UST: variants seen among roughly 807,000 people sequenced by gnomAD.
UST encodes chondroitin sulfate 2-O-sulfotransferase.
A neutral mutation model predicts 45.6 loss-of-function variants in UST; 21 were observed. The observed-to-expected ratio is 0.46, with a 90% CI of 0.33 to 0.66. UST has a LOEUF of 0.66. Among genes scored for constraint, UST ranks in the 30% least tolerant of loss-of-function variants. The pLI, the probability that UST is intolerant of heterozygous loss-of-function variation, is 0.02. For missense variants in UST, 463 were observed against 512.4 expected, an observed-to-expected ratio of 0.90 and a Z score of 0.93; for synonymous variants, 215 against 200.6, an observed-to-expected ratio of 1.07 and a Z score of -0.61.
chr6:148,914,381 A>C (rs1323426856), intron 2 of UST, among the ~76,000 whole-genome samples: 1 of 75,036 alleles, frequency 1.3e-5, no homozygotes, highest in South Asian at 4.6e-4. Flanking sequence ...GTGGAAGATA[A>C]TTTTTCCATA....
rs1412593513 is a variant in UST, at chr6:148,747,667, G to A, written c.237G>A (p.Arg79=). Residue 79 remains arginine (R), a synonymous_variant, in exon 1 of 8, where the codon CGG becomes CGA. Coordinates refer to ENST00000367463, the MANE Select transcript of UST (RefSeq NM_005715.3). ...GGPPRFLLDL[R]QYLGNSTYLD... ...CCCCTCGCTTCCTGCTCGACCTGCGGCAGTACTTGGGTAAGGAAGCTGGGC... is the reference window on the plus strand; with the variant it reads ...CCCCTCGCTTCCTGCTCGACCTGCGACAGTACTTGGGTAAGGAAGCTGGGC... 2 of 1,600,976 alleles carry A rather than the reference G, an allele frequency of 1.2e-6. No individual in the cohort carries two copies. Among genetic ancestry groups the A allele is most frequent in the African/African-American group, 2.7e-5 (2 of 73,784 alleles).
At chr6:149,065,072 G>A (rs1302882829) in intron 7 of UST, among the ~76,000 whole-genome samples, 1 of 152,180 alleles carries the variant, frequency 6.6e-6, no homozygotes, top group East Asian at 1.9e-4. Context: ...GTTCCTGCTA[G>A]GATCAGAGAA....
intron 2 of UST, among the ~76,000 whole-genome samples, chr6:148,901,829 G>A (rs1363199590): frequency 2.0e-5 from 3 of 152,172 alleles, no homozygotes; most frequent in African/African-American, 7.2e-5. Flanking sequence ...AAAGTGTTGG[G>A]ATTACAGGCG....
At chr6:148,919,644 A>G (rs1397244296) in intron 2 of UST, among the ~76,000 whole-genome samples, 4 of 152,226 alleles carry the variant, frequency 2.6e-5, no homozygotes, top group African/African-American at 9.6e-5. Flanking sequence ...TTTTCAAAAT[A>G]GTTTGTCTTC....
chr6:148,951,784 C>G (rs1015843311), intron 3 of UST, among the ~76,000 whole-genome samples: 4 of 152,134 alleles, frequency 2.6e-5, no homozygotes, highest in African/African-American at 9.7e-5. Context: ...ACAATAAACA[C>G]GAGCATTAGT....
intron 7 of UST, among the ~76,000 whole-genome samples, chr6:149,057,225 TGTG>T (rs1301784593): frequency 6.6e-6 from 1 of 152,188 alleles, no homozygotes; most frequent in Non-Finnish European, 1.5e-5. Flanking sequence ...GTAGTCATCA[TGTG>T]GTGTAATTTG....
intron 1 of UST, among the ~76,000 whole-genome samples, chr6:148,832,206 G>A (rs1400702934): frequency 3.3e-5 from 5 of 152,132 alleles, no homozygotes; most frequent in Non-Finnish European, 7.4e-5. Context: ...GGCCAGGCTG[G>A]TCTTGAATTC....
At chr6:149,037,996 A>C (rs1776261036) in intron 7 of UST, among the ~76,000 whole-genome samples, 1 of 152,184 alleles carries the variant, frequency 6.6e-6, no homozygotes, top group African/African-American at 2.4e-5. Flanking sequence ...TTGGCTTCAA[A>C]GCTCAAACAT....
intron 5 of UST, among the ~76,000 whole-genome samples, chr6:149,003,354 A>G (rs1781587788): frequency 6.6e-6 from 1 of 152,132 alleles, no homozygotes; most frequent in Non-Finnish European, 1.5e-5. Context: ...TTCAGTCCTT[A>G]TAATTTATGA....
At chr6:149,041,626 A>T (rs1776315902) in intron 7 of UST, among the ~76,000 whole-genome samples, 1 of 152,156 alleles carries the variant, frequency 6.6e-6, no homozygotes, top group Non-Finnish European at 1.5e-5. Flanking sequence ...TCATGGTGAA[A>T]TGCGCCGCTG....
intron 7 of UST, among the ~76,000 whole-genome samples, chr6:149,052,610 C>T (rs948192883): frequency 2.0e-4 from 30 of 152,100 alleles, no homozygotes; most frequent in African/African-American, 7.2e-4. Context: ...CTCTCTCTCT[C>T]TCTCTGAAAA....
At chr6:149,049,517 C>A (rs1776447699) in intron 7 of UST, among the ~76,000 whole-genome samples, 1 of 152,090 alleles carries the variant, frequency 6.6e-6, no homozygotes, top group Admixed American at 6.5e-5. Context: ...CATTTCCCAA[C>A]TGTTAGATAG....
At chr6:149,005,386 CT>C in intron 5 of UST, 1 of 985,474 alleles carries the variant, frequency 1.0e-6, no homozygotes, top group Non-Finnish European at 1.2e-6. Context: ...AATTCGGGAT[CT>C]GACAGGAAGT....
chr6:148,750,984 A>T (rs1018932293), intron 1 of UST, among the ~76,000 whole-genome samples: 1 of 152,180 alleles, frequency 6.6e-6, no homozygotes, highest in African/African-American at 2.4e-5. Context: ...TTTGTCACAA[A>T]TGTACATGCT....
intron 1 of UST, among the ~76,000 whole-genome samples, chr6:148,834,571 C>CA (rs958262110): frequency 5.9e-5 from 9 of 151,994 alleles, no homozygotes; most frequent in African/African-American, 2.2e-4. Context: ...CCTGTCCATA[C>CA]AAAAAATAGA....
chr6:148,983,129 AG>A (rs942251947), intron 5 of UST, among the ~76,000 whole-genome samples: 3 of 152,268 alleles, frequency 2.0e-5, no homozygotes, highest in African/African-American at 7.2e-5. Flanking sequence ...AAGTTTTCAA[AG>A]GGCTTTTCGC....
intron 5 of UST, among the ~76,000 whole-genome samples, chr6:148,988,573 C>CAAAAAAAA (rs760248567): frequency 2.3e-5 from 2 of 86,930 alleles, no homozygotes; most frequent in African/African-American, 4.3e-5. Context: ...GACCCTGTCT[C>CAAAAAAAA]AAAAAAAAAA....
intron 2 of UST, among the ~76,000 whole-genome samples, chr6:148,901,902 C>G (rs183328759): frequency 2.2e-4 from 33 of 152,202 alleles, no homozygotes; most frequent in Admixed American, 2.0e-3. Context: ...CAGAACTTGT[C>G]GCAAGGCCCC....
At chr6:148,810,703 T>C (rs1331536491) in intron 1 of UST, among the ~76,000 whole-genome samples, 2 of 152,280 alleles carry the variant, frequency 1.3e-5, no homozygotes, top group African/African-American at 4.8e-5. Flanking sequence ...AAAACTATAA[T>C]ACAAGGTGTC....
Sources: allele counts gnomAD v4.1 joint callset (sites outside exome capture counted in the v4.1 genomes callset), GRCh38; gene constraint gnomAD v4.1.1; transcripts MANE v1.5; gene names NCBI Gene and HGNC (gene_info 2026-07-23, HGNC 2026-07-21).